The following SPOPL variants were observed in gnomAD, a reference collection of about 807,000 sequenced individuals.
SPOPL encodes speckle-type POZ protein-like.
Under a neutral mutation model 53.8 loss-of-function variants are expected in SPOPL, and 23 were observed. The observed-to-expected ratio is 0.43, with a 90% confidence interval of 0.31 to 0.61. The LOEUF (loss-of-function observed/expected upper bound fraction) is 0.61. Among genes scored for constraint, SPOPL ranks in the 20% least tolerant of loss-of-function variants. The probability of loss-of-function intolerance (pLI) is 0.12; values close to 1 mark genes in which losing one functional copy is unlikely to be tolerated. For missense variants in SPOPL, 442 were observed against 466.9 expected (o/e 0.95, Z 0.49); for synonymous variants, 164 against 149.7 (o/e 1.10, Z -0.70).
At chr2:138,502,947 C>CGA (rs1358395573) in intron 1 of SPOPL, among the ~76,000 whole-genome samples, 1 of 152,208 alleles carries the variant, frequency 6.6e-6, no homozygotes, top group Non-Finnish European at 1.5e-5. Flanking sequence ...TGAACTCTGT[C>CGA]ATTCAGTGAT....
At chr2:138,560,260 C>T (rs1685515242) in intron 7 of SPOPL, among the ~76,000 whole-genome samples, 1 of 151,998 alleles carries the variant, frequency 6.6e-6, no homozygotes, top group South Asian at 2.1e-4. Context: ...TTATTGTTAC[C>T]TCTAGTACCT....
At chr2:138,549,224 A>G (rs558879116) in intron 1 of SPOPL, among the ~76,000 whole-genome samples, 17 of 152,176 alleles carry the variant, frequency 1.1e-4, no homozygotes, top group Middle Eastern at 6.8e-3. Context: ...TATGTGGTGT[A>G]TATATGTTTA....
intron 1 of SPOPL, among the ~76,000 whole-genome samples, chr2:138,545,241 C>T (rs1313224847): frequency 6.6e-6 from 1 of 151,968 alleles, no homozygotes; most frequent in Non-Finnish European, 1.5e-5. Context: ...GTACCAGCAC[C>T]GTATACCAGG....
At chr2:138,557,413 T>C (rs897724107) in intron 5 of SPOPL, among the ~76,000 whole-genome samples, 3 of 152,238 alleles carry the variant, frequency 2.0e-5, no homozygotes, top group Admixed American at 6.5e-5. Context: ...TAGAAGTGTG[T>C]ATTCATTCAC....
At chr2:138,544,232 C>T (rs1685139770) in intron 1 of SPOPL, among the ~76,000 whole-genome samples, 1 of 152,192 alleles carries the variant, frequency 6.6e-6, no homozygotes. Flanking sequence ...CAGCTGCGTG[C>T]TGGGAGAACC....
At position 138,572,323 on chromosome 2, in the gene SPOPL, A is replaced by G. The variant is rs1465423042; in HGVS notation, c.*3243A>G. 6.6e-6 allele frequency: 1 copy of G among 152,616 alleles called. No homozygotes were observed. The highest frequency in any genetic ancestry group is 2.4e-5 in the African/African-American group (1 of 41,456). The allele number at this position is 152,616 out of a possible 1,614,324, so 9.5% of individuals were successfully genotyped here. On this transcript the variant is annotated 3_prime_UTR_variant, in exon 11 of 11. Transcript: ENST00000280098. Reference sequence around the variant, plus strand: ...AAGATCTCAAAAAGTTGTCATGAACATTATTCATTTATTTTTAAACTGGAT... The same window carrying G: ...AAGATCTCAAAAAGTTGTCATGAACGTTATTCATTTATTTTTAAACTGGAT...
chr2:138,503,739 T>G (rs566624487), intron 1 of SPOPL, among the ~76,000 whole-genome samples: 1 of 152,330 alleles, frequency 6.6e-6, no homozygotes, highest in South Asian at 2.1e-4. Flanking sequence ...GTACTGTGTA[T>G]AACAGATTCA....
intron 4 of SPOPL, 38 bp downstream of exon 4, chr2:138,551,092 T>A: frequency 6.2e-7 from 1 of 1,606,406 alleles, no homozygotes; most frequent in East Asian, 2.2e-5. Flanking sequence ...CATTTCTGTA[T>A]AACTACATAT....
At chr2:138,514,924 G>T (rs1444382029) in intron 1 of SPOPL, among the ~76,000 whole-genome samples, 2 of 152,112 alleles carry the variant, frequency 1.3e-5, no homozygotes. Flanking sequence ...GTATTAAGTT[G>T]TGGGTAGGCT....
intron 4 of SPOPL, among the ~76,000 whole-genome samples, chr2:138,551,940 C>G (rs1268969460): frequency 3.3e-5 from 5 of 151,914 alleles, no homozygotes; most frequent in African/African-American, 1.2e-4. Flanking sequence ...ACAAATTACA[C>G]AAAAAGCATC....
chr2:138,564,156 T>TA (rs1271895248), intron 8 of SPOPL, among the ~76,000 whole-genome samples: 2 of 152,200 alleles, frequency 1.3e-5, no homozygotes, highest in African/African-American at 4.8e-5. Flanking sequence ...GGACAATTGG[T>TA]ATATTTATTG....
Position 138,568,946 on chromosome 2 carries a change from G to A in SPOPL, c.1045G>A (p.Asp349Asn), listed in dbSNP as rs114501427. 272 of 1,613,498 alleles carry A rather than the reference G, an allele frequency of 1.7e-4. No individual in the cohort carries two copies. In the African/African-American group the frequency reaches 2.5e-3, roughly 15 times the overall value. ...AATTCTATTTTTCAGCCAAGCAACC[G>A]ACATAATGGAAACATCAGGGTGGAA... ...GKNWNSNQAT[D>N]IMETSGWKSM... is the part of the protein sequence containing the mutation. Residue 349 changes from aspartate (D) to asparagine (N), a missense_variant, in exon 11 of 11, where the codon GAC (aspartate) becomes AAC (asparagine). Coordinates refer to ENST00000280098, the MANE Select transcript of SPOPL (RefSeq NM_001001664.3).
chr2:138,521,829 A>C (rs950612145), intron 1 of SPOPL, among the ~76,000 whole-genome samples: 2 of 152,186 alleles, frequency 1.3e-5, no homozygotes, highest in African/African-American at 4.8e-5. Context: ...AAGACCCCCC[A>C]AAAAAGAAGT....
intron 4 of SPOPL, among the ~76,000 whole-genome samples, chr2:138,551,266 T>A (rs1205576958): frequency 6.6e-6 from 1 of 152,096 alleles, no homozygotes; most frequent in Non-Finnish European, 1.5e-5. Context: ...TGATTAATAA[T>A]ATTACTTCTT....
chr2:138,563,142 C>T (rs918796180), intron 8 of SPOPL, among the ~76,000 whole-genome samples: 6 of 152,178 alleles, frequency 3.9e-5, no homozygotes, highest in African/African-American at 7.2e-5. Flanking sequence ...AAAGACAAAA[C>T]GTTTGAGCAA....
At chr2:138,529,122 C>A (rs1258129926) in intron 1 of SPOPL, among the ~76,000 whole-genome samples, 1 of 152,074 alleles carries the variant, frequency 6.6e-6, no homozygotes, top group Non-Finnish European at 1.5e-5. Flanking sequence ...CAAAATAGTT[C>A]TCTTTGTAAT....
At chr2:138,560,959 T>C in intron 8 of SPOPL, 32 bp downstream of exon 8, 2 of 1,592,056 alleles carry the variant, frequency 1.3e-6, no homozygotes. Context: ...AACCAAAATA[T>C]ACCCTCAAGC....
chr2:138,520,563 C>A (rs78073410), intron 1 of SPOPL, among the ~76,000 whole-genome samples: 9,379 of 152,210 alleles, frequency 0.062, 775 homozygotes, highest in East Asian at 0.34. Context: ...ATCTGGAGGA[C>A]CTCTGAGAGC....
chr2:138,535,091 A>G (rs572120068), intron 1 of SPOPL, among the ~76,000 whole-genome samples: 32 of 152,300 alleles, frequency 2.1e-4, no homozygotes, highest in Middle Eastern at 3.4e-3. Context: ...TCTATAAGAA[A>G]TAAAATTACC....
Sources: gnomAD v4.1 joint callset for allele counts (sites outside exome capture counted in the v4.1 genomes callset) on GRCh38, gnomAD v4.1.1 for gene constraint, MANE v1.5 for transcripts, NCBI Gene and HGNC (gene_info 2026-07-23, HGNC 2026-07-21) for gene names.